Variants in CPT1C observed in about 807,000 individuals in gnomAD.
The protein encoded by CPT1C is palmitoyl thioesterase CPT1C.
CPT1C carries 61 observed loss-of-function variants against 97.3 expected under a neutral mutation model. That is an observed-to-expected ratio of 0.63 (90% CI 0.51 to 0.78). The LOEUF is 0.78. Among genes scored for constraint, CPT1C ranks in the 30% least tolerant of loss-of-function variants. The pLI is 0.00. For missense variants in CPT1C, 975 were observed against 1,065.5 expected (o/e 0.92, Z 1.18); for synonymous variants, 469 against 447.2 (o/e 1.05, Z -0.61).
chr19:49,694,798 C>G (rs1396106446), intron 3 of CPT1C, among the ~76,000 whole-genome samples: 3 of 152,108 alleles, frequency 2.0e-5, no homozygotes, highest in Non-Finnish European at 4.4e-5. Flanking sequence ...CGCCCTTACC[C>G]TGGGACTCCT....
At chr19:49,690,978 ATGG>A (rs2123053007), upstream of CPT1C, 1 of 153,326 alleles carries the variant, frequency 6.5e-6, no homozygotes, top group African/African-American at 2.4e-5. This position sits in a 1 kb window ranked among gnomAD's most constrained non-coding sequence, Gnocchi z 4.4. Flanking sequence ...GAGCGGCCAA[ATGG>A]TGGAGAATCT....
chr19:49,704,594 T>C, intron 7 of CPT1C, 116 bp from the exon 8 acceptor site: 1 of 760,416 alleles, frequency 1.3e-6, no homozygotes, highest in East Asian at 2.7e-5. Context: ...ATGGCTGACT[T>C]CTTTGGCTCT....
intron 5 of CPT1C, 152 bp downstream of exon 5, chr19:49,701,007 C>A: frequency 5.0e-6 from 4 of 794,590 alleles, no homozygotes; most frequent in Non-Finnish European, 7.8e-6. Context: ...CCTCCTCTGT[C>A]CCTGGGTCTC....
chr19:49,708,903 A>T (rs908042905), intron 14 of CPT1C, 64 bp downstream of exon 14: 52 of 1,019,104 alleles, frequency 5.1e-5, no homozygotes, highest in African/African-American at 4.9e-4. Flanking sequence ...CTTCAAACTC[A>T]TCCCCACCCC....
chr19:49,695,644 G>C (rs994314805), intron 3 of CPT1C, among the ~76,000 whole-genome samples: 1 of 148,502 alleles, frequency 6.7e-6, no homozygotes, highest in Non-Finnish European at 1.5e-5. Flanking sequence ...GAGTGCAGTG[G>C]CGTGATCTCG....
chr19:49,705,411 C>A, intron 10 of CPT1C, 113 bp downstream of exon 10: 4 of 877,136 alleles, frequency 4.6e-6, no homozygotes, highest in South Asian at 3.5e-5. Flanking sequence ...TGCTGTGTGA[C>A]CTTCTGCACG....
Position 49,700,992 on chromosome 19 carries a change from T to C in CPT1C, c.453+137T>C, listed in dbSNP as rs190328115. On this transcript the variant is annotated intron_variant, in intron 5 of 19. Coordinates refer to ENST00000598293, the MANE Select transcript of CPT1C (RefSeq NM_001199753.2). Reference sequence around the variant, plus strand: ...TCTCTTCCCCCTCTCTTTCTGGGTCTCTGTCCTCCTCTGTCCCTGGGTCTC... The same window carrying C: ...TCTCTTCCCCCTCTCTTTCTGGGTCCCTGTCCTCCTCTGTCCCTGGGTCTC... 41 of 860,530 alleles carry C rather than the reference T, an allele frequency of 4.8e-5. No homozygotes were observed. The Admixed American group carries it at 7.3e-4, about 15-fold the overall frequency. 53.3% of individuals were successfully genotyped at this position (860,530 alleles called of 1,614,324 possible).
intron 12 of CPT1C, among the ~76,000 whole-genome samples, chr19:49,707,086 C>A (rs1249077955): frequency 6.6e-6 from 1 of 151,946 alleles, no homozygotes. Context: ...ACCAGCCTGG[C>A]CAATATGGTG....
rs2083103162 is a variant in CPT1C at position 49,701,923 on chromosome 19, CAAAT to C, written c.693+291_693+294del. Among the ~76,000 whole-genome samples, 5 of 80,788 alleles carry C rather than the reference CAAAT, an allele frequency of 6.2e-5. 1 individual carries two copies. Among genetic ancestry groups the C allele is most frequent in the African/African-American group, 2.6e-4 (5 of 18,982 alleles). 53.0% of individuals were successfully genotyped at this position (80,788 alleles called of 152,430 possible). A position where few individuals can be genotyped will look rare whatever the true frequency, so the allele number is the denominator to read the frequency against. On this transcript the variant is annotated intron_variant, in intron 7 of 19. Coordinates refer to ENST00000598293, the MANE Select transcript of CPT1C (RefSeq NM_001199753.2). Reference sequence around the variant, plus strand: ...AAATATATATATTTATATTTATATACAAATATTAATATTTATAAATTTATATATA... The same window carrying C: ...AAATATATATATTTATATTTATATACATTAATATTTATAAATTTATATATA...
upstream of CPT1C, chr19:49,690,790 C>T (rs544988918): frequency 3.1e-6 from 1 of 326,654 alleles, no homozygotes; most frequent in African/African-American, 2.1e-5. This position sits in a 1 kb window ranked among gnomAD's most constrained non-coding sequence, Gnocchi z 4.4. Flanking sequence ...CTCCTCCCTC[C>T]CTGGCGTGAA....
At chr19:49,707,371 C>T in intron 12 of CPT1C, 147 bp from the exon 13 acceptor site, 1 of 631,610 alleles carries the variant, frequency 1.6e-6, no homozygotes, top group Non-Finnish European at 2.8e-6. Context: ...TACTGGGGAC[C>T]CCCAATGGTC....
rs538452637 is a variant in CPT1C at position 49,710,926 on chromosome 19, T to C, written c.1866+69T>C. On this transcript the variant is annotated intron_variant, in intron 16 of 19. Transcript: ENST00000598293. ...TCACTCATCCACTTGCAAACGTTGATGGGACCTACTGAAGCCAGCCTCCAC... is the reference window on the plus strand; with the variant it reads ...TCACTCATCCACTTGCAAACGTTGACGGGACCTACTGAAGCCAGCCTCCAC... The C allele has an allele frequency of 8.6e-6, 13 of 1,513,066 alleles. No individual in the cohort carries two copies. The South Asian group carries it at 1.3e-4, about 16-fold the overall frequency. 93.7% of individuals were successfully genotyped at this position (1,513,066 alleles called of 1,614,324 possible).
intron 4 of CPT1C, chr19:49,697,666 C>A: frequency 1.9e-6 from 1 of 532,648 alleles, no homozygotes; most frequent in Non-Finnish European, 3.2e-6. Context: ...GCACATTGGG[C>A]ATTGGGAGGC....
intron 7 of CPT1C, among the ~76,000 whole-genome samples, chr19:49,702,966 A>C (rs2083269288): frequency 6.6e-6 from 1 of 152,138 alleles, no homozygotes; most frequent in Non-Finnish European, 1.5e-5. Flanking sequence ...CAGTTGGTCA[A>C]ACCCAGCGAA....
intron 7 of CPT1C, 90 bp from the exon 8 acceptor site, chr19:49,704,620 C>T (rs540932764): frequency 2.9e-5 from 28 of 976,030 alleles, no homozygotes; most frequent in East Asian, 7.7e-5. Flanking sequence ...CCCTGCCTGA[C>T]GCAGGAGCAT....
Position 49,713,080 on chromosome 19 carries a change from A to G in CPT1C, c.2226+16A>G, listed in dbSNP as rs1477560745. On this transcript the variant is annotated intron_variant, in intron 19 of 19. Transcript: ENST00000598293. ...CACAAAAACGGTGAGACAAACGTGT[A>G]TACCCACCAACTCCCTCTTTCCTCA... The G allele has an allele frequency of 6.3e-7, 1 of 1,597,914 alleles. No individual in the cohort carries two copies. Among genetic ancestry groups the G allele is most frequent in the Non-Finnish European group, 8.6e-7 (1 of 1,165,398 alleles).
At chr19:49,697,203 C>T in intron 3 of CPT1C, 123 bp from the exon 4 acceptor site, 3 of 1,236,390 alleles carry the variant, frequency 2.4e-6, no homozygotes, top group Non-Finnish European at 3.5e-6. Flanking sequence ...CTGTTCCCTA[C>T]TAGATCTTGA....
intron 15 of CPT1C, 34 bp downstream of exon 15, chr19:49,710,518 G>A (rs754282439): frequency 5.4e-5 from 87 of 1,613,452 alleles, no homozygotes; most frequent in Non-Finnish European, 7.0e-5. Flanking sequence ...GCCCCCGCAG[G>A]GTCTCAGTCC....
Position 49,706,142 on chromosome 19 carries a change from G to A in CPT1C, c.1160+38G>A, listed in dbSNP as rs1282085571. On this transcript the variant is annotated intron_variant, in intron 11 of 19. Coordinates refer to ENST00000598293, the MANE Select transcript of CPT1C (RefSeq NM_001199753.2). This position sits in a 1 kb window ranked among gnomAD's most constrained non-coding sequence, Gnocchi z 4.8. ...GGTCAGGGGTCAGGGGCTCTCAGAGGCCGCCAGTGTCCTGAGACTGTGGAA... is the reference window on the plus strand; with the variant it reads ...GGTCAGGGGTCAGGGGCTCTCAGAGACCGCCAGTGTCCTGAGACTGTGGAA... The A allele has an allele frequency of 2.5e-6, 4 of 1,587,568 alleles. No homozygotes were observed. The highest frequency in any genetic ancestry group is 2.7e-5 in the African/African-American group (2 of 74,282).
Sources: gnomAD v4.1 joint callset for allele counts (sites outside exome capture counted in the v4.1 genomes callset) on GRCh38, gnomAD v4.1.1 for gene constraint, Gnocchi (gnomAD v3.1) non-coding constraint, MANE v1.5 for transcripts, NCBI Gene and HGNC (gene_info 2026-07-23, HGNC 2026-07-21) for gene names.